CLASP1: variants seen among roughly 807,000 people sequenced by gnomAD.
CLASP1 encodes CLIP-associating protein 1.
In CLASP1, 38 loss-of-function variants were observed where a neutral mutation model predicts 192.3. That is an observed-to-expected ratio of 0.20 (90% CI 0.15 to 0.26). CLASP1 has a LOEUF of 0.26. Among genes scored for constraint, CLASP1 ranks in the 10% least tolerant of loss-of-function variants. The pLI, the probability that CLASP1 is intolerant of heterozygous loss-of-function variation, is 1.00. For synonymous variants in CLASP1, 691 were observed against 712.8 expected, an observed-to-expected ratio of 0.97 and a Z score of 0.49; for missense variants, 1,433 against 1,932.5, an observed-to-expected ratio of 0.74 and a Z score of 4.85.
intron 30 of CLASP1, among the ~76,000 whole-genome samples, chr2:121,389,038 A>C (rs1427217982): frequency 6.6e-6 from 1 of 152,222 alleles, no homozygotes; most frequent in Non-Finnish European, 1.5e-5. Flanking sequence ...AGTTAGGACA[A>C]AATTACTATT....
intron 26 of CLASP1, chr2:121,402,553 G>A (rs757371830): frequency 1.9e-6 from 1 of 513,712 alleles, no homozygotes; most frequent in Non-Finnish European, 3.9e-6. Context: ...TCACTTACAG[G>A]CAGCTAACAA....
At chr2:121,478,017 T>C (rs932338212) in intron 8 of CLASP1, among the ~76,000 whole-genome samples, 5 of 152,224 alleles carry the variant, frequency 3.3e-5, no homozygotes, top group African/African-American at 1.2e-4. Context: ...TTTGCTTACT[T>C]AAAATTATTT....
chr2:121,489,940 T>C (rs951879854), intron 8 of CLASP1, among the ~76,000 whole-genome samples: 5 of 152,162 alleles, frequency 3.3e-5, no homozygotes, highest in South Asian at 2.1e-4. Context: ...TACCTTGCAA[T>C]TGCAAATAGA....
intron 19 of CLASP1, among the ~76,000 whole-genome samples, chr2:121,441,280 G>T (rs2083297508): frequency 6.6e-6 from 1 of 152,132 alleles, no homozygotes; most frequent in Non-Finnish European, 1.5e-5. Context: ...CATCACACTG[G>T]GACGTTTTGG....
At chr2:121,527,668 G>A in intron 5 of CLASP1, 131 bp downstream of exon 5, 2 of 663,882 alleles carry the variant, frequency 3.0e-6, no homozygotes, top group East Asian at 2.7e-5. Flanking sequence ...CACTGGGCAA[G>A]GGTGGGTAAA....
chr2:121,599,261 A>G (rs1245821507), intron 2 of CLASP1, among the ~76,000 whole-genome samples: 2 of 151,800 alleles, frequency 1.3e-5, no homozygotes, highest in East Asian at 3.9e-4. Context: ...GGCAAGCCAA[A>G]ATTACTTCTC....
At chr2:121,409,199 A>C (rs553964935) in intron 24 of CLASP1, among the ~76,000 whole-genome samples, 2 of 152,316 alleles carry the variant, frequency 1.3e-5, no homozygotes, top group East Asian at 3.9e-4. Context: ...TATCAAGCTA[A>C]TAATAATAAA....
intron 8 of CLASP1, among the ~76,000 whole-genome samples, chr2:121,475,573 A>G (rs1027384080): frequency 6.6e-6 from 1 of 152,212 alleles, no homozygotes; most frequent in African/African-American, 2.4e-5. Flanking sequence ...ACTGAACTCT[A>G]CTAGCCATTT....
At position 121,401,677 on chromosome 2, in the gene CLASP1, A is replaced by G; in HGVS notation, c.2737-5T>C. The G allele has an allele frequency of 5.6e-6, 9 of 1,606,374 alleles. No homozygotes were observed. The highest frequency in any genetic ancestry group is 7.6e-6 in the Non-Finnish European group (9 of 1,176,616). On this transcript the variant is annotated splice_polypyrimidine_tract_variant and splice_region_variant and intron_variant, in intron 27 of 39. Transcript: ENST00000263710. ...CTCCAAAAACATACTGAAAACCTAG[A>G]CACAAATGAAAACCAAGTAGTTCAC...
exon 2 of CLASP1, chr2:121,605,925 G>T: frequency 6.2e-7 from 1 of 1,605,764 alleles, no homozygotes. Flanking sequence ...TCCAGCAAAA[G>T]CTAGAGGGCA....
chr2:121,421,935 T>TA (rs2079570973), intron 22 of CLASP1, among the ~76,000 whole-genome samples: 1 of 152,226 alleles, frequency 6.6e-6, no homozygotes, highest in East Asian at 1.9e-4. Context: ...CTTGTCTCTT[T>TA]AAGTGCCAAA....
chr2:121,402,703 AC>A, intron 26 of CLASP1: 1 of 517,968 alleles, frequency 1.9e-6, no homozygotes. Flanking sequence ...AGTGTTCTAA[AC>A]CATCTAATAG....
chr2:121,506,178 C>T (rs1001015532), intron 7 of CLASP1, among the ~76,000 whole-genome samples: 10 of 152,014 alleles, frequency 6.6e-5, no homozygotes, highest in African/African-American at 9.7e-5. Flanking sequence ...TGGCAAAAAC[C>T]GTCCAAATCA....
chr2:121,570,478 T>C (rs1040335977), intron 2 of CLASP1, among the ~76,000 whole-genome samples: 1 of 152,248 alleles, frequency 6.6e-6, no homozygotes, highest in Non-Finnish European at 1.5e-5. Flanking sequence ...ACATGCCTGA[T>C]TGTTCATTTT....
chr2:121,509,341 A>G (rs182534876), intron 7 of CLASP1, among the ~76,000 whole-genome samples: 189 of 152,062 alleles, frequency 1.2e-3, no homozygotes, highest in African/African-American at 4.4e-3. Flanking sequence ...ACACCCAACT[A>G]ATTTTTTAAT....
intron 2 of CLASP1, among the ~76,000 whole-genome samples, chr2:121,591,411 CCT>C (rs1321128712): frequency 9.2e-5 from 14 of 152,290 alleles, no homozygotes; most frequent in African/African-American, 3.4e-4. Context: ...TCCCTCACTT[CCT>C]CTTAGTCCTA....
chr2:121,470,029 T>A, intron 8 of CLASP1, 69 bp from the exon 9 acceptor site: 2 of 1,200,806 alleles, frequency 1.7e-6, no homozygotes, highest in Non-Finnish European at 2.3e-6. Flanking sequence ...ATATATACTT[T>A]TTCACCTGAT....
At chr2:121,603,675 T>C (rs749139366) in intron 2 of CLASP1, among the ~76,000 whole-genome samples, 3 of 152,156 alleles carry the variant, frequency 2.0e-5, no homozygotes, top group Admixed American at 6.5e-5. Context: ...TCAACCTACA[T>C]GTCCAACAAC....
intron 2 of CLASP1, among the ~76,000 whole-genome samples, chr2:121,531,880 AAAAG>A (rs2094900537): frequency 6.6e-6 from 1 of 152,182 alleles, no homozygotes; most frequent in African/African-American, 2.4e-5. Context: ...AAAAAAAAGA[AAAAG>A]AAATGTGAAA....
Sources: gnomAD v4.1 joint callset for allele counts (sites outside exome capture counted in the v4.1 genomes callset) on GRCh38, gnomAD v4.1.1 for gene constraint, MANE v1.5 for transcripts, NCBI Gene and HGNC (gene_info 2026-07-23, HGNC 2026-07-21) for gene names.